Variants in ARHGEF4 observed in about 807,000 individuals in gnomAD.
ARHGEF4 encodes APC-stimulated guanine nucleotide exchange factor 1.
A neutral mutation model predicts 162.0 loss-of-function variants in ARHGEF4; 119 were observed. The ratio of observed to expected loss-of-function variants is 0.73; its 90% confidence interval spans 0.63 to 0.86. The LOEUF (loss-of-function observed/expected upper bound fraction) is 0.86. Among genes scored for constraint, ARHGEF4 ranks in the 40% least tolerant of loss-of-function variants. The pLI is 0.00. For missense variants in ARHGEF4, 2,488 were observed against 2,456.0 expected, an observed-to-expected ratio of 1.01 and a Z score of -0.28; for synonymous variants, 1,014 against 979.9, an observed-to-expected ratio of 1.03 and a Z score of -0.65.
chr2:131,044,688 C>T, intron 12 of ARHGEF4, 146 bp downstream of exon 12: 1 of 1,148,040 alleles, frequency 8.7e-7, no homozygotes, highest in Non-Finnish European at 1.2e-6. Flanking sequence ...AGGTCCCAGT[C>T]ATGAGCATAA....
At chr2:131,042,396 C>CT (rs1690883717) in intron 10 of ARHGEF4, among the ~76,000 whole-genome samples, 1 of 152,206 alleles carries the variant, frequency 6.6e-6, no homozygotes, top group African/African-American at 2.4e-5. Context: ...GCACATTTCC[C>CT]TTTGCATCTG....
chr2:130,905,955 C>T (rs1680787007), intron 1 of ARHGEF4, among the ~76,000 whole-genome samples: 1 of 152,154 alleles, frequency 6.6e-6, no homozygotes, highest in South Asian at 2.1e-4. Context: ...TTATTTGTAT[C>T]AGTATGGGTT....
intron 1 of ARHGEF4, among the ~76,000 whole-genome samples, chr2:130,891,407 C>T (rs887703146): frequency 3.3e-5 from 5 of 152,168 alleles, no homozygotes; most frequent in Admixed American, 1.3e-4. Context: ...TGGCAAACTT[C>T]GGTGAAGGGC....
At chr2:130,867,482 C>T (rs1437588613) in intron 1 of ARHGEF4, among the ~76,000 whole-genome samples, 5 of 151,992 alleles carry the variant, frequency 3.3e-5, no homozygotes, top group African/African-American at 9.7e-5. Context: ...GTGATCTGCC[C>T]GCCTTAGCCT....
At chr2:130,946,689 A>C (rs775740503) in intron 4 of ARHGEF4, 54 bp downstream of exon 4, 2 of 1,608,426 alleles carry the variant, frequency 1.2e-6, no homozygotes, top group Non-Finnish European at 1.7e-6. Flanking sequence ...GGCATGAAGG[A>C]CAAGAAGCTA....
chr2:131,029,294 G>A (rs1056883906), intron 5 of ARHGEF4, among the ~76,000 whole-genome samples: 1 of 152,102 alleles, frequency 6.6e-6, no homozygotes, highest in Non-Finnish European at 1.5e-5. Context: ...GGGAGGCAGA[G>A]GTTGCAGTGA....
In ARHGEF4 at chr2:131,040,283, A is replaced by T. The variant is rs1690696835; in HGVS notation, c.4505A>T (p.Lys1502Met). The stretch of plus-strand genomic sequence containing the variant: ...CAGGGCTACGTCCGGCAGTGCCGCA[A>T]GCGCGCAGACATGTTCAGCGAGGAG... The part of the protein sequence containing the change: ...ICEGYVRQCR[K>M]RADMFSEEQL... The change falls in exon 8 of 14, where the codon AAG becomes ATG. Residue 1502 changes from lysine to methionine, a missense_variant. Physicochemically the swap from Lys to Met is moderately conservative, Grantham distance 95. This residue lies in a region of ARHGEF4 where 415 missense variants were observed against 512.4 expected (regional missense o/e 0.81). Transcript: ENST00000409359. 3 of 1,612,984 alleles carry T rather than the reference A, an allele frequency of 1.9e-6. No individual in the cohort carries two copies. Among genetic ancestry groups the T allele is most frequent in the Non-Finnish European group, 2.5e-6 (3 of 1,179,778 alleles).
chr2:131,045,667 C>A, intron 13 of ARHGEF4: 1 of 1,496,154 alleles, frequency 6.7e-7, no homozygotes. Context: ...CTTGGCTCCC[C>A]CAGATCAGGG....
intron 4 of ARHGEF4, among the ~76,000 whole-genome samples, chr2:130,965,204 G>A (rs1684922458): frequency 1.3e-5 from 2 of 152,186 alleles, no homozygotes; most frequent in Admixed American, 1.3e-4. Context: ...AGGGCCATAG[G>A]GATGGCAGAA....
chr2:130,924,352 C>T (rs1236410834), intron 2 of ARHGEF4, among the ~76,000 whole-genome samples: 2 of 150,846 alleles, frequency 1.3e-5, no homozygotes, highest in South Asian at 2.1e-4. Context: ...CTGCAACTTC[C>T]GTCTCCCGGG....
At chr2:131,016,135 G>A (rs991887550) in intron 4 of ARHGEF4, among the ~76,000 whole-genome samples, 3 of 152,110 alleles carry the variant, frequency 2.0e-5, no homozygotes, top group African/African-American at 7.2e-5. Context: ...TGTCCCTGTT[G>A]CCTGGAACAC....
At chr2:130,906,906 A>T (rs575950763) in intron 1 of ARHGEF4, among the ~76,000 whole-genome samples, 1 of 152,294 alleles carries the variant, frequency 6.6e-6, no homozygotes, top group East Asian at 1.9e-4. Context: ...TTTAATTTGT[A>T]TAGAGTAAAA....
chr2:130,998,995 G>T (rs1687581440), intron 4 of ARHGEF4, among the ~76,000 whole-genome samples: 1 of 152,110 alleles, frequency 6.6e-6, no homozygotes, highest in African/African-American at 2.4e-5. Context: ...CTGTGTTTTG[G>T]ATGTAACCAT....
chr2:130,901,079 C>G (rs1234351056), intron 1 of ARHGEF4, among the ~76,000 whole-genome samples: 1 of 152,144 alleles, frequency 6.6e-6, no homozygotes, highest in Admixed American at 6.5e-5. Flanking sequence ...CTGTCTCTGC[C>G]TCTGCCACTG....
chr2:130,917,225 GC>G lies in ARHGEF4; in HGVS notation c.3283del (p.Leu1095Ter). On this transcript the variant is annotated frameshift_variant, in exon 2 of 14. Coordinates refer to ENST00000409359, the MANE Select transcript of ARHGEF4 (RefSeq NM_001367493.1). LOFTEE classifies it high-confidence loss of function. Reference protein sequence around the residue: ...GTPCRPTSPKPLSPRPSAQRM... With the variant: ...GTPCRPTSPKXLSPRPSAQRM... ...CGCCCTGCAGACCCACGAGCCCCAA[GC>G]CCCTGAGTCCCAGGCCTAGTGCTCA... is the stretch of plus-strand genomic sequence containing the variant. The G allele has an allele frequency of 1.3e-6, 2 of 1,550,480 alleles. No homozygotes were observed. Among genetic ancestry groups the G allele is most frequent in the Non-Finnish European group, 1.7e-6 (2 of 1,146,970 alleles).
chr2:130,935,522 CCT>C (rs1386669636), intron 3 of ARHGEF4, among the ~76,000 whole-genome samples: 1 of 152,052 alleles, frequency 6.6e-6, no homozygotes, highest in Non-Finnish European at 1.5e-5. Flanking sequence ...TAGAAAGTTC[CCT>C]CTCAGCATAG....
intron 2 of ARHGEF4, among the ~76,000 whole-genome samples, chr2:130,923,232 AATG>A (rs1020289874): frequency 5.9e-5 from 9 of 152,312 alleles, no homozygotes; most frequent in African/African-American, 2.2e-4. Context: ...GCCTGGGCAT[AATG>A]ATATCTTTTG....
At chr2:130,956,978 T>C (rs1684322658) in intron 4 of ARHGEF4, among the ~76,000 whole-genome samples, 2 of 151,856 alleles carry the variant, frequency 1.3e-5, no homozygotes. Context: ...AAAAAGCCAA[T>C]AAATAAATAA....
chr2:130,874,397 A>C (rs982002567), intron 1 of ARHGEF4, among the ~76,000 whole-genome samples: 4 of 152,234 alleles, frequency 2.6e-5, no homozygotes, highest in African/African-American at 7.2e-5. Flanking sequence ...GGCCCTCCTC[A>C]GGCCCACAAG....
Sources: allele counts gnomAD v4.1 joint callset (sites outside exome capture counted in the v4.1 genomes callset), GRCh38; gene constraint gnomAD v4.1.1; regional missense constraint gnomAD v4.1.1; transcripts MANE v1.5; gene names NCBI Gene and HGNC (gene_info 2026-07-23, HGNC 2026-07-21).